Variants in GRIP1 observed in about 807,000 individuals in gnomAD.
The protein encoded by GRIP1 is glutamate receptor interacting protein 1.
Under a neutral mutation model 129.9 loss-of-function variants are expected in GRIP1, and 45 were observed. That is an observed-to-expected ratio of 0.35 (90% confidence interval 0.27 to 0.44). The LOEUF (loss-of-function observed/expected upper bound fraction) is 0.44. Ranked by LOEUF, GRIP1 falls within the 20% of genes least tolerant of loss-of-function variation. The pLI is 1.00. For synonymous variants in GRIP1, 530 were observed against 520.8 expected, an observed-to-expected ratio of 1.02 and a Z score of -0.24; for missense variants, 1,196 against 1,396.8, an observed-to-expected ratio of 0.86 and a Z score of 2.29.
chr12:66,361,138 C>A (rs2054739521), intron 23 of GRIP1, among the ~76,000 whole-genome samples: 2 of 152,124 alleles, frequency 1.3e-5, no homozygotes, highest in South Asian at 4.1e-4. Flanking sequence ...AGCCTACAGC[C>A]CAAGAAGAAG....
chr12:66,767,672 A>G (rs551241338), intron 1 of GRIP1, among the ~76,000 whole-genome samples: 1 of 152,158 alleles, frequency 6.6e-6, no homozygotes, highest in South Asian at 2.1e-4. Context: ...TGCAACCAAC[A>G]TGAGAGAAAA....
At chr12:66,743,369 C>T (rs1247989749) in intron 1 of GRIP1, among the ~76,000 whole-genome samples, 1 of 151,922 alleles carries the variant, frequency 6.6e-6, no homozygotes, top group African/African-American at 2.4e-5. Context: ...TTGCTATTAT[C>T]CAAGCTGGTG....
chr12:66,835,969 G>A (rs943040642), intron 1 of GRIP1, among the ~76,000 whole-genome samples: 1 of 151,936 alleles, frequency 6.6e-6, no homozygotes, highest in African/African-American at 2.4e-5. Flanking sequence ...TGTATAGGGG[G>A]AGGGAACATA....
chr12:66,560,449 T>G (rs568691521), intron 2 of GRIP1, among the ~76,000 whole-genome samples: 1 of 152,092 alleles, frequency 6.6e-6, no homozygotes, highest in South Asian at 2.1e-4. Flanking sequence ...CCAGAATATA[T>G]AAGGAGCTCA....
intron 2 of GRIP1, among the ~76,000 whole-genome samples, chr12:66,584,058 C>A (rs1307764845): frequency 6.7e-6 from 1 of 148,710 alleles, no homozygotes; most frequent in African/African-American, 2.5e-5. Context: ...CACATATATA[C>A]CATGGAATAC....
At chr12:66,514,079 T>C (rs1176312668) in intron 7 of GRIP1, among the ~76,000 whole-genome samples, 2 of 152,176 alleles carry the variant, frequency 1.3e-5, no homozygotes, top group African/African-American at 2.4e-5. Flanking sequence ...TATTACAGAA[T>C]ACTGTTCTTG....
chr12:66,372,817 G>A (rs1033438115), intron 22 of GRIP1, among the ~76,000 whole-genome samples: 1 of 152,034 alleles, frequency 6.6e-6, no homozygotes, highest in Non-Finnish European at 1.5e-5. Context: ...CTCATGGTTG[G>A]AGAATGCTAA....
At chr12:66,757,250 C>T (rs2037322029) in intron 1 of GRIP1, among the ~76,000 whole-genome samples, 1 of 152,004 alleles carries the variant, frequency 6.6e-6, no homozygotes. Flanking sequence ...TCCCACACTG[C>T]CTCTCCCAGC....
intron 1 of GRIP1, among the ~76,000 whole-genome samples, chr12:66,749,775 A>G (rs1566001838): frequency 6.6e-6 from 1 of 152,138 alleles, no homozygotes; most frequent in East Asian, 1.9e-4. Flanking sequence ...ATGCAGATAT[A>G]ATGGTGGTGA....
chr12:66,773,918 C>G (rs10735938), intron 1 of GRIP1, among the ~76,000 whole-genome samples: 152,244 of 152,246 alleles, frequency 1, 76,121 homozygotes, highest in Non-Finnish European at 1. Flanking sequence ...CAAGACTTCA[C>G]ACCCAATGGT....
At chr12:67,006,327 G>A (rs1211886079) in intron 1 of GRIP1, among the ~76,000 whole-genome samples, 1 of 152,186 alleles carries the variant, frequency 6.6e-6, no homozygotes, top group Non-Finnish European at 1.5e-5. Flanking sequence ...CACTTTGTGA[G>A]GCTGAGGCAG....
At chr12:66,711,659 T>C (rs955820020) in intron 1 of GRIP1, among the ~76,000 whole-genome samples, 1 of 151,820 alleles carries the variant, frequency 6.6e-6, no homozygotes, top group Non-Finnish European at 1.5e-5. Context: ...TTATGTGTCT[T>C]ATAAAGGAAA....
chr12:67,065,505 C>A (rs759356085), intron 1 of GRIP1, among the ~76,000 whole-genome samples: 1 of 151,720 alleles, frequency 6.6e-6, no homozygotes, highest in Non-Finnish European at 1.5e-5. Flanking sequence ...ACTTAACACA[C>A]CTATATAATT....
At chr12:66,500,798 T>C (rs1351189397) in intron 7 of GRIP1, among the ~76,000 whole-genome samples, 1 of 152,212 alleles carries the variant, frequency 6.6e-6, no homozygotes, top group East Asian at 1.9e-4. Flanking sequence ...CCATTTCCTA[T>C]TTTACTGCTA....
At chr12:66,740,765 G>C (rs951125508) in intron 1 of GRIP1, among the ~76,000 whole-genome samples, 1 of 151,938 alleles carries the variant, frequency 6.6e-6, no homozygotes, top group Non-Finnish European at 1.5e-5. Flanking sequence ...AATATATAAT[G>C]AGATTATTTA....
intron 19 of GRIP1, 70 bp from the exon 20 acceptor site, chr12:66,379,506 AC>A: frequency 6.8e-7 from 1 of 1,470,286 alleles, no homozygotes; most frequent in African/African-American, 1.4e-5. Flanking sequence ...GACATTGTTA[AC>A]CAGTAGAGGA....
At chr12:66,441,288 C>T (rs904651365) in intron 13 of GRIP1, among the ~76,000 whole-genome samples, 5 of 152,126 alleles carry the variant, frequency 3.3e-5, no homozygotes, top group East Asian at 1.9e-4. Context: ...GTTCTCCTTC[C>T]GTTTCTCAAG....
At chr12:66,985,999 C>G (rs2135616985) in intron 1 of GRIP1, among the ~76,000 whole-genome samples, 1 of 152,166 alleles carries the variant, frequency 6.6e-6, no homozygotes, top group South Asian at 2.1e-4. Flanking sequence ...TGATTTTCGC[C>G]CTTGAGATAT....
chr12:66,771,327 T>C (rs749244494), intron 1 of GRIP1, among the ~76,000 whole-genome samples: 7 of 152,186 alleles, frequency 4.6e-5, no homozygotes, highest in Non-Finnish European at 1.0e-4. Flanking sequence ...AATATAGTAA[T>C]ACAATGCACC....
Sources: allele counts gnomAD v4.1 joint callset (sites outside exome capture counted in the v4.1 genomes callset), GRCh38; gene constraint gnomAD v4.1.1; transcripts MANE v1.5; gene names NCBI Gene and HGNC (gene_info 2026-07-23, HGNC 2026-07-21).